FAM184B: variants seen among roughly 807,000 people sequenced by gnomAD.
FAM184B encodes the protein family with sequence similarity 184 member B, also known as protein FAM184B.
Under a neutral mutation model 135.9 loss-of-function variants are expected in FAM184B, and 111 were observed. The ratio of observed to expected loss-of-function variants is 0.82; its 90% CI spans 0.70 to 0.96. The LOEUF is 0.96. Among genes scored for constraint, FAM184B ranks in the 40% least tolerant of loss-of-function variants. The probability of loss-of-function intolerance (pLI) is 0.00; values close to 1 mark genes in which losing one functional copy is unlikely to be tolerated. For missense variants in FAM184B, 1,375 were observed against 1,323.9 expected, an observed-to-expected ratio of 1.04 and a Z score of -0.60; for synonymous variants, 552 against 524.8, an observed-to-expected ratio of 1.05 and a Z score of -0.71.
intron 4 of FAM184B, 62 bp downstream of exon 4, chr4:17,705,690 C>T (rs1374040035): frequency 6.5e-7 from 1 of 1,539,098 alleles, no homozygotes; most frequent in East Asian, 2.5e-5. Context: ...CTACCTGACG[C>T]TTATAATAGA....
At position 17,709,516 on chromosome 4, in the gene FAM184B, G is replaced by C; in HGVS notation, c.270C>G (p.Gly90=). Residue 90 remains glycine, a synonymous_variant, in exon 2 of 18, where the codon GGC becomes GGG. Transcript: ENST00000265018. ...GTAGAAGGGCTTCCTCCTCTGCGCA[G>C]CCCTGTTCCTGCAGGAGCCTGGCCT... ...ETKARLLQEQ[G]CAEEEALLQR... is the part of the protein sequence containing the mutation. 6.4e-7 allele frequency: 1 copy of C among 1,551,098 alleles called. No individual in the cohort carries two copies. Among genetic ancestry groups the C allele is most frequent in the Non-Finnish European group, 8.7e-7 (1 of 1,146,968 alleles).
At chr4:17,638,022 C>T (rs1715196852) in intron 14 of FAM184B, among the ~76,000 whole-genome samples, 3 of 152,018 alleles carry the variant, frequency 2.0e-5, no homozygotes, top group African/African-American at 2.4e-5. Context: ...AGTGCCCTCA[C>T]CTCCTTGTAC....
At chr4:17,751,910 G>GGAT (rs1718303401) in intron 1 of FAM184B, among the ~76,000 whole-genome samples, 1 of 148,484 alleles carries the variant, frequency 6.7e-6, no homozygotes, top group Non-Finnish European at 1.5e-5. Context: ...AGGTGTGGCG[G>GGAT]GATGCAAACT....
intron 13 of FAM184B, 143 bp downstream of exon 13, chr4:17,641,913 C>T (rs575024865): frequency 5.7e-6 from 7 of 1,233,220 alleles, no homozygotes; most frequent in Non-Finnish European, 7.5e-6. Context: ...CTGGCGCATT[C>T]AGTGTCTAGT....
At chr4:17,690,173 A>G (rs7654345) in intron 6 of FAM184B, among the ~76,000 whole-genome samples, 90,618 of 151,726 alleles carry the variant, frequency 0.6, 27,633 homozygotes, top group East Asian at 0.87. Context: ...AGAATTTACA[A>G]CAATAAACTC....
Position 17,642,105 on chromosome 4 carries a change from C to G in FAM184B, c.2470G>C (p.Glu824Gln), listed in dbSNP as rs1323776088. ...GCCTCCTGCTGATGCTGCTCCACCT[C>G]CGCGCGCAGCCGCCGCACCGCGTCC... ...LQDAVRRLRAEVEQHQQEAQK... is the reference protein window; with the variant it reads ...LQDAVRRLRAQVEQHQQEAQK... Residue 824 changes from glutamate (E) to glutamine (Q), a missense_variant, in exon 13 of 18, where the codon GAG (glutamate) becomes CAG (glutamine). Transcript: ENST00000265018. The G allele has an allele frequency of 4.0e-5, 62 of 1,532,736 alleles. No homozygotes were observed. The highest frequency in any genetic ancestry group is 5.3e-5 in the Non-Finnish European group (61 of 1,145,344). 94.9% of individuals were successfully genotyped at this position (1,532,736 alleles called of 1,614,324 possible).
At position 17,632,644 on chromosome 4, in the gene FAM184B, T is replaced by G. The variant is rs1350743749; in HGVS notation, c.3090-19A>C. The G allele has an allele frequency of 7.6e-7, 1 of 1,311,674 alleles. No individual in the cohort carries two copies. The highest frequency in any genetic ancestry group is 2.3e-5 in the Admixed American group (1 of 43,438). The allele number at this position is 1,311,674 out of a possible 1,614,324, so 81.3% of individuals were successfully genotyped here. A position where few individuals can be genotyped will look rare whatever the true frequency, so the allele number is the denominator to read the frequency against. On this transcript the variant is annotated intron_variant, in intron 17 of 17. Transcript: ENST00000265018. The stretch of plus-strand genomic sequence containing the variant: ...TGGGGTCCTAAAAGCAAAAAAAGGT[T>G]TTTTTATATGGTTTTGAAAACTATG...
rs61539641 is a variant in FAM184B, at chr4:17,721,383, CAAAAAAAA to C, written c.142-11747_142-11740del. 3.2e-4 allele frequency among the ~76,000 whole-genome samples: 15 copies of C among 47,396 alleles called. 1 individual carries two copies. Among genetic ancestry groups the C allele is most frequent in the East Asian group, 4.5e-4 (1 of 2,214 alleles). 31.1% of individuals were successfully genotyped at this position (47,396 alleles called of 152,430 possible). A position where few individuals can be genotyped will look rare whatever the true frequency, so the allele number is the denominator to read the frequency against. The stretch of plus-strand genomic sequence containing the variant: ...TGGGCGACAGAGAAAGATTCTGTCT[CAAAAAAAA>C]AAAAAAAAAAAAAAATCTCTTTGCC... On this transcript the variant is annotated intron_variant, in intron 1 of 17. Coordinates refer to ENST00000265018, the MANE Select transcript of FAM184B (RefSeq NM_015688.2).
chr4:17,645,332 C>G (rs1715437301), intron 12 of FAM184B, among the ~76,000 whole-genome samples: 1 of 152,166 alleles, frequency 6.6e-6, no homozygotes, highest in South Asian at 2.1e-4. Context: ...AACTATACTA[C>G]AAGGCCACAG....
At position 17,709,506 on chromosome 4, in the gene FAM184B, C is replaced by T. The variant is rs1405437212; in HGVS notation, c.280G>A (p.Glu94Lys). The T allele has an allele frequency of 2.6e-6, 4 of 1,550,854 alleles. No homozygotes were observed. The highest frequency in any genetic ancestry group is 2.6e-6 in the Non-Finnish European group (3 of 1,146,776). Residue 94 changes from glutamate to lysine, a missense_variant, in exon 2 of 18, where the codon GAG (glutamate) becomes AAG (lysine). By Grantham distance (56) the Glu-to-Lys change is moderately conservative (BLOSUM62 1). Coordinates refer to ENST00000265018, the MANE Select transcript of FAM184B (RefSeq NM_015688.2). ...TGGATGCGCTGTAGAAGGGCTTCCT[C>T]CTCTGCGCAGCCCTGTTCCTGCAGG... ...RLLQEQGCAE[E>K]EALLQRIQAL...
intron 7 of FAM184B, among the ~76,000 whole-genome samples, chr4:17,668,321 A>G (rs867472364): frequency 1.3e-5 from 2 of 152,130 alleles, no homozygotes; most frequent in Middle Eastern, 3.2e-3. Context: ...ATTTAATCTC[A>G]TATCCTATAT....
At chr4:17,708,663 CTATATATATATATATATA>C (rs60087211) in intron 2 of FAM184B, among the ~76,000 whole-genome samples, 295 of 16,990 alleles carry the variant, frequency 0.017, 21 homozygotes, top group East Asian at 0.09. Flanking sequence ...GGAAACAAAA[CTATATATATATATATATA>C]TATATATATA....
At chr4:17,654,574 G>A (rs1225353595) in intron 10 of FAM184B, among the ~76,000 whole-genome samples, 1 of 152,270 alleles carries the variant, frequency 6.6e-6, no homozygotes, top group African/African-American at 2.4e-5. Flanking sequence ...GGAAGAGGCA[G>A]GATTGTGACC....
At chr4:17,771,762 G>A (rs555607061) in intron 1 of FAM184B, among the ~76,000 whole-genome samples, 26 of 152,318 alleles carry the variant, frequency 1.7e-4, no homozygotes, top group African/African-American at 6.3e-4. Flanking sequence ...GGAAGAGCTG[G>A]CTTGTTTCCA....
intron 17 of FAM184B, 37 bp from the exon 18 acceptor site, chr4:17,632,662 A>G: frequency 1.4e-6 from 2 of 1,398,816 alleles, no homozygotes; most frequent in Non-Finnish European, 2.0e-6. Flanking sequence ...ATGGTTTTGA[A>G]AACTATGCAA....
intron 6 of FAM184B, among the ~76,000 whole-genome samples, chr4:17,688,956 G>T (rs1355263166): frequency 6.6e-6 from 1 of 152,122 alleles, no homozygotes; most frequent in Non-Finnish European, 1.5e-5. Flanking sequence ...GCCTCCAAAA[G>T]GGCTGGGATT....
At chr4:17,685,270 G>A (rs1716553079) in intron 7 of FAM184B, among the ~76,000 whole-genome samples, 1 of 149,572 alleles carries the variant, frequency 6.7e-6, no homozygotes. Context: ...GCTGAGGAGG[G>A]CTGGGCAGGT....
At chr4:17,682,575 T>G (rs1440208627) in intron 7 of FAM184B, among the ~76,000 whole-genome samples, 3 of 152,216 alleles carry the variant, frequency 2.0e-5, no homozygotes, top group Non-Finnish European at 4.4e-5. Context: ...CTTGGCTCAC[T>G]GCAACCTCTA....
chr4:17,689,691 C>T (rs1716676567), intron 6 of FAM184B, among the ~76,000 whole-genome samples: 1 of 151,976 alleles, frequency 6.6e-6, no homozygotes, highest in Non-Finnish European at 1.5e-5. Flanking sequence ...CTATGTTGCC[C>T]AGGCTGGTCT....
Sources: gnomAD v4.1 joint callset for allele counts (sites outside exome capture counted in the v4.1 genomes callset) on GRCh38, gnomAD v4.1.1 for gene constraint, MANE v1.5 for transcripts, NCBI Gene and HGNC (gene_info 2026-07-23, HGNC 2026-07-21) for gene names.